Variants in CDH18 observed in about 807,000 individuals in gnomAD.
CDH18 encodes cadherin-18.
A neutral mutation model predicts 67.9 loss-of-function variants in CDH18; 31 were observed. The ratio of observed to expected loss-of-function variants is 0.46; its 90% confidence interval spans 0.34 to 0.62. The LOEUF (loss-of-function observed/expected upper bound fraction) is 0.62, where lower values mean the gene tolerates loss of function less well. CDH18 is among the 20% of genes least tolerant of loss of function. The pLI, the probability that CDH18 is intolerant of heterozygous loss-of-function variation, is 0.01. For missense variants in CDH18, 890 were observed against 975.5 expected, an observed-to-expected ratio of 0.91 and a Z score of 1.17; for synonymous variants, 362 against 347.2, an observed-to-expected ratio of 1.04 and a Z score of -0.48.
intron 1 of CDH18, among the ~76,000 whole-genome samples, chr5:20,431,548 A>C (rs1748749465): frequency 6.6e-6 from 1 of 151,878 alleles, no homozygotes; most frequent in South Asian, 2.1e-4. Context: ...AACCTCAGTC[A>C]ATCACAAAGA....
At chr5:19,541,599 C>T (rs1430913465) in intron 9 of CDH18, among the ~76,000 whole-genome samples, 3 of 152,052 alleles carry the variant, frequency 2.0e-5, no homozygotes, top group Non-Finnish European at 1.5e-5. Flanking sequence ...TGAAAGAAGG[C>T]AAAGGAAAAG....
upstream of CDH18, among the ~76,000 whole-genome samples, chr5:19,990,218 T>C (rs190569436): frequency 1.2e-4 from 18 of 152,356 alleles, no homozygotes; most frequent in Admixed American, 1.2e-3. Context: ...TAAGAGGTCC[T>C]ATAGTTTAAT....
intron 5 of CDH18, among the ~76,000 whole-genome samples, chr5:19,687,256 C>T (rs570388170): frequency 4.3e-4 from 65 of 152,262 alleles, no homozygotes; most frequent in Non-Finnish European, 8.7e-4. Context: ...GTCCCACACA[C>T]CTGCTAAGAG....
chr5:20,484,311 C>T (rs1045223112), intron 1 of CDH18, among the ~76,000 whole-genome samples: 1 of 151,922 alleles, frequency 6.6e-6, no homozygotes, highest in African/African-American at 2.4e-5. Flanking sequence ...AAAAGAGAAT[C>T]TTTGTACACT....
At chr5:19,827,799 A>C (rs539580525) in intron 3 of CDH18, among the ~76,000 whole-genome samples, 10 of 152,268 alleles carry the variant, frequency 6.6e-5, no homozygotes, top group African/African-American at 1.7e-4. Flanking sequence ...AAAGATATCA[A>C]ATCAAGACTC....
chr5:20,226,770 A>G (rs1741663892), intron 2 of CDH18, among the ~76,000 whole-genome samples: 1 of 152,108 alleles, frequency 6.6e-6, no homozygotes, highest in Non-Finnish European at 1.5e-5. Context: ...TTACATAAAA[A>G]TATACTCAAG....
rs138516678 is a variant in CDH18, at chr5:19,599,069, C to T, written c.812-7825G>A. On this transcript the variant is annotated intron_variant, in intron 6 of 12. Coordinates refer to ENST00000382275, the MANE Select transcript of CDH18 (RefSeq NM_004934.5). ...ATGACTCAATTGATAATGTTTATTG[C>T]TTTGTGATTGTAGTGATATCATATT... Among the ~76,000 whole-genome samples the T allele has an allele frequency of 1.3e-3, 198 of 151,958 alleles. 1 individual carries two copies. Among genetic ancestry groups the T allele is most frequent in the African/African-American group, 4.6e-3 (192 of 41,486 alleles).
chr5:19,473,417 T>A lies in CDH18; in HGVS notation c.2182A>T (p.Ser728Cys), dbSNP rs1579645016. ...TGAAGAGAGTCATAAGGGGGAACGCTAGGGTCTAGGTCTGCTTCTGCCAGT... is the reference window on the plus strand; with the variant it reads ...TGAAGAGAGTCATAAGGGGGAACGCAAGGGTCTAGGTCTGCTTCTGCCAGT... ...QRLAEADLDPSVPPYDSLQTY... is the reference protein window; with the variant it reads ...QRLAEADLDPCVPPYDSLQTY... Residue 728 changes from serine (S) to cysteine (C), a missense_variant, in exon 13 of 13, where the codon AGC (serine) becomes TGC (cysteine). Ser to Cys is a moderately radical substitution (Grantham distance 112). Transcript: ENST00000382275. 6.2e-7 allele frequency: 1 copy of A among 1,613,834 alleles called. No homozygotes were observed. Among genetic ancestry groups the A allele is most frequent in the Non-Finnish European group, 8.5e-7 (1 of 1,179,866 alleles).
At position 19,612,512 on chromosome 5, in the gene CDH18, C is replaced by A. The variant is rs778148548; in HGVS notation, c.733G>T (p.Val245Phe). Residue 245 changes from valine to phenylalanine, a missense_variant, in exon 6 of 13, where the codon GTT becomes TTT. This residue lies in a region of CDH18 where 656 missense variants were observed against 668.1 expected (regional missense o/e 0.98). Transcript: ENST00000382275. The stretch of plus-strand genomic sequence containing the variant: ...GTTGTAGATCCTGAAAGCCCTCCAA[C>A]TTGCCCAGCCATGTCTTTGGCTTGA... ...VIQAKDMAGQ[V>F]GGLSGSTTVN... 6.2e-7 allele frequency: 1 copy of A among 1,614,082 alleles called. No homozygotes were observed.
At chr5:19,519,246 C>G (rs1464142432) in intron 10 of CDH18, among the ~76,000 whole-genome samples, 1 of 152,030 alleles carries the variant, frequency 6.6e-6, no homozygotes, top group Non-Finnish European at 1.5e-5. Context: ...TGTTACAAAG[C>G]CAGACATTGA....
At chr5:19,558,786 T>C (rs1048733105) in intron 8 of CDH18, among the ~76,000 whole-genome samples, 1 of 151,940 alleles carries the variant, frequency 6.6e-6, no homozygotes, top group Non-Finnish European at 1.5e-5. Flanking sequence ...AAATCTTCCC[T>C]AAGTGATTCC....
chr5:19,717,119 C>G (rs542600031), intron 5 of CDH18, among the ~76,000 whole-genome samples: 1 of 152,056 alleles, frequency 6.6e-6, no homozygotes, highest in South Asian at 2.1e-4. Flanking sequence ...GGAGGTTTAA[C>G]TACGATTTTG....
At chr5:19,526,037 C>T (rs1747704240) in intron 9 of CDH18, among the ~76,000 whole-genome samples, 1 of 151,954 alleles carries the variant, frequency 6.6e-6, no homozygotes, top group African/African-American at 2.4e-5. Context: ...ATATTCTCAG[C>T]ACTCTTCAGG....
At chr5:19,846,469 T>C (rs1306677322) in intron 2 of CDH18, among the ~76,000 whole-genome samples, 1 of 152,162 alleles carries the variant, frequency 6.6e-6, no homozygotes, top group Non-Finnish European at 1.5e-5. Context: ...GCCTATATAT[T>C]TACCTTTACT....
rs898833869 is a variant in CDH18, at chr5:19,586,004, G to A, written c.999+5053C>T. Among the ~76,000 whole-genome samples, 4 of 152,092 alleles carry A rather than the reference G, an allele frequency of 2.6e-5. No homozygotes were observed. In the South Asian group the frequency reaches 8.3e-4, roughly 32 times the overall value. Reference sequence around the variant, plus strand: ...ATCGCGTTGTGATTCAGTTTCTTTAGCTATAAAGCGGGGATAATAACACTC... The same window carrying A: ...ATCGCGTTGTGATTCAGTTTCTTTAACTATAAAGCGGGGATAATAACACTC... On this transcript the variant is annotated intron_variant, in intron 7 of 12. Coordinates refer to ENST00000382275, the MANE Select transcript of CDH18 (RefSeq NM_004934.5).
chr5:20,403,333 T>TGTAA (rs1173912728), intron 1 of CDH18, among the ~76,000 whole-genome samples: 2 of 152,170 alleles, frequency 1.3e-5, no homozygotes, highest in African/African-American at 4.8e-5. Context: ...TTGTTACTTA[T>TGTAA]GTAAAGTGTG....
At chr5:20,443,207 C>CTCAAAAA (rs1491460573) in intron 1 of CDH18, among the ~76,000 whole-genome samples, 579 of 25,286 alleles carry the variant, frequency 0.023, 68 homozygotes, top group South Asian at 0.12. Context: ...GAGACTCCGT[C>CTCAAAAA]ACAAAAAAAA....
intron 1 of CDH18, among the ~76,000 whole-genome samples, chr5:20,567,373 A>C (rs1758575419): frequency 6.6e-6 from 1 of 152,248 alleles, no homozygotes; most frequent in African/African-American, 2.4e-5. Flanking sequence ...ACTTTGAAAT[A>C]TTTTGTTTTC....
intron 3 of CDH18, among the ~76,000 whole-genome samples, chr5:19,784,000 T>C (rs1775419255): frequency 6.6e-6 from 1 of 152,164 alleles, no homozygotes; most frequent in African/African-American, 2.4e-5. Flanking sequence ...TTCTTCATTT[T>C]ATAGATGAGT....
Sources: gnomAD v4.1 joint callset for allele counts (sites outside exome capture counted in the v4.1 genomes callset) on GRCh38, gnomAD v4.1.1 for gene constraint, gnomAD v4.1.1 regional missense constraint, MANE v1.5 for transcripts, NCBI Gene and HGNC (gene_info 2026-07-23, HGNC 2026-07-21) for gene names.